Variants in SCNN1B observed in about 807,000 individuals in gnomAD.
The protein encoded by SCNN1B is epithelial sodium channel subunit beta.
In SCNN1B, 46 loss-of-function variants were observed where a neutral mutation model predicts 65.3. That is an observed-to-expected ratio of 0.70 (90% CI 0.56 to 0.90). The LOEUF (loss-of-function observed/expected upper bound fraction) is 0.90, where lower values mean the gene tolerates loss of function less well. SCNN1B is among the 40% of genes least tolerant of loss of function. The probability of loss-of-function intolerance (pLI) is 0.00; values close to 1 mark genes in which losing one functional copy is unlikely to be tolerated. For missense variants in SCNN1B, 751 were observed against 830.5 expected (o/e 0.90, Z 1.18); for synonymous variants, 349 against 330.6 (o/e 1.06, Z -0.60).
In SCNN1B at chr16:23,279,169, C is replaced by T. The variant is rs560050619; in HGVS notation, n.110+829C>T. On this transcript the variant is annotated intron_variant and non_coding_transcript_variant, in intron 1 of 3. Transcript: ENST00000569789. ...TTGGCTCACTGCAACCTCTGCCTCC[C>T]GGGTTCAAGCAATTCTCCTGCCTCA... is the stretch of plus-strand genomic sequence containing the variant. Among the ~76,000 whole-genome samples, 31 of 151,968 alleles carry T rather than the reference C, an allele frequency of 2.0e-4. No homozygotes were observed. The East Asian group carries it at 4.9e-3, about 24-fold the overall frequency.
At chr16:23,336,399 G>T (rs1390836688) in intron 1 of SCNN1B, among the ~76,000 whole-genome samples, 5 of 148,370 alleles carry the variant, frequency 3.4e-5, no homozygotes, top group Non-Finnish European at 7.4e-5. Context: ...TTGAGACGGA[G>T]TCTCGCTCTG....
rs34622290 is a variant in SCNN1B, at chr16:23,371,588, G to C, written c.1044+126G>C. ...CCCAGCCCTGGCCTTCCTTCCTTTT[G>C]GCTGGAATCCCCCCAGGGTGGCCCA... is the stretch of plus-strand genomic sequence containing the variant. On this transcript the variant is annotated intron_variant, in intron 6 of 12. Coordinates refer to ENST00000343070, the MANE Select transcript of SCNN1B (RefSeq NM_000336.3). 0.057 allele frequency: 64,450 copies of C among 1,139,252 alleles called. 2,107 individuals are homozygous for C. The highest frequency in any genetic ancestry group is 0.084 in the South Asian group (6,070 of 71,966). The allele number at this position is 1,139,252 out of a possible 1,614,324, so 70.6% of individuals were successfully genotyped here.
chr16:23,301,514 G>T (rs766110705), upstream of SCNN1B, among the ~76,000 whole-genome samples: 6 of 152,116 alleles, frequency 3.9e-5, no homozygotes, highest in Admixed American at 1.3e-4. Context: ...ACTGCATTAA[G>T]ACAATCTATG....
intron 8 of SCNN1B, 36 bp downstream of exon 8, chr16:23,375,891 T>A: frequency 7.3e-7 from 1 of 1,371,398 alleles, no homozygotes; most frequent in Non-Finnish European, 1.0e-6. Context: ...ACTCCAGCCA[T>A]CTGGGGCCAC....
chr16:23,350,853 C>T (rs1445391960), intron 2 of SCNN1B, among the ~76,000 whole-genome samples: 2 of 152,004 alleles, frequency 1.3e-5, no homozygotes, highest in Non-Finnish European at 2.9e-5. Context: ...GTGGAGGTTG[C>T]AGTGAGCCGA....
At chr16:23,294,727 T>A (rs1013033888) in intron 2 of SCNN1B, among the ~76,000 whole-genome samples, 1 of 152,118 alleles carries the variant, frequency 6.6e-6, no homozygotes, top group Non-Finnish European at 1.5e-5. Flanking sequence ...GCACGGTGGC[T>A]CATGCCTGTT....
intron 4 of SCNN1B, among the ~76,000 whole-genome samples, chr16:23,366,948 C>T (rs1429136684): frequency 6.6e-6 from 1 of 152,206 alleles, no homozygotes; most frequent in Non-Finnish European, 1.5e-5. Flanking sequence ...TGAACTCCAG[C>T]ACACCAGTCA....
At chr16:23,361,322 C>T (rs888852270) in intron 4 of SCNN1B, among the ~76,000 whole-genome samples, 1 of 152,182 alleles carries the variant, frequency 6.6e-6, no homozygotes, top group Non-Finnish European at 1.5e-5. Flanking sequence ...CCTCAGCCTC[C>T]AAAAGTACTA....
At chr16:23,303,241 G>A (rs549607590) in intron 1 of SCNN1B, among the ~76,000 whole-genome samples, 1 of 152,252 alleles carries the variant, frequency 6.6e-6, no homozygotes, top group South Asian at 2.1e-4. Context: ...GGAGGAAGCA[G>A]CAGAGACCTC....
Position 23,380,061 on chromosome 16 carries a change from A to T in SCNN1B, c.1467-33A>T. 1 of 1,546,488 alleles carries T rather than the reference A, an allele frequency of 6.5e-7. No homozygotes were observed. Among genetic ancestry groups the T allele is most frequent in the Non-Finnish European group, 8.9e-7 (1 of 1,118,548 alleles). On this transcript the variant is annotated intron_variant, in intron 11 of 12. Transcript: ENST00000343070. The surrounding 1 kb of genome is among the most constrained non-coding windows in gnomAD (Gnocchi z 5.4). ...GTCTGTCTGTTTGGAAGGGGGATAC[A>T]TTAGTCCCGGCCCTTCTCGCTGCCT...
At chr16:23,375,978 T>G (rs1431491399) in intron 8 of SCNN1B, 123 bp downstream of exon 8, 3 of 713,608 alleles carry the variant, frequency 4.2e-6, no homozygotes, top group African/African-American at 1.7e-5. Context: ...GGGTGGCTCC[T>G]CCACAGTCTG....
At chr16:23,365,877 G>A (rs1322355173) in intron 4 of SCNN1B, among the ~76,000 whole-genome samples, 1 of 152,226 alleles carries the variant, frequency 6.6e-6, no homozygotes, top group African/African-American at 2.4e-5. Context: ...GCTTGGGTCG[G>A]CCCCCATATC....
chr16:23,344,930 G>A (rs1243906659), intron 1 of SCNN1B, among the ~76,000 whole-genome samples: 1 of 152,124 alleles, frequency 6.6e-6, no homozygotes, highest in Non-Finnish European at 1.5e-5. Flanking sequence ...GGAGGTGGAG[G>A]TTGCAGTGAG....
At chr16:23,293,843 G>A (rs921100963) in intron 2 of SCNN1B, among the ~76,000 whole-genome samples, 1 of 152,074 alleles carries the variant, frequency 6.6e-6, no homozygotes, top group African/African-American at 2.4e-5. Context: ...AGGATCTCTT[G>A]AGCCTAGGAG....
intron 1 of SCNN1B, among the ~76,000 whole-genome samples, chr16:23,345,915 T>C (rs184831442): frequency 6.6e-6 from 1 of 152,172 alleles, no homozygotes; most frequent in East Asian, 1.9e-4. Context: ...AAAGATCAAA[T>C]ACAACTGGAG....
At chr16:23,374,994 T>C (rs1962863696) in intron 7 of SCNN1B, among the ~76,000 whole-genome samples, 1 of 152,148 alleles carries the variant, frequency 6.6e-6, no homozygotes, top group Admixed American at 6.5e-5. Flanking sequence ...CTCAGCACCC[T>C]GTTTCACCTA....
At chr16:23,287,113 T>A (rs2141968790) in intron 2 of SCNN1B, among the ~76,000 whole-genome samples, 1 of 151,658 alleles carries the variant, frequency 6.6e-6, no homozygotes, top group Non-Finnish European at 1.5e-5. Context: ...CAAGTGGTTC[T>A]CTTGCCTCAG....
At chr16:23,319,811 A>T (rs997788185) in intron 1 of SCNN1B, among the ~76,000 whole-genome samples, 1 of 151,916 alleles carries the variant, frequency 6.6e-6, no homozygotes, top group Non-Finnish European at 1.5e-5. Context: ...TCTGTCGCCC[A>T]GGCTGGAGTG....
chr16:23,333,979 C>T (rs1479342804), intron 1 of SCNN1B, among the ~76,000 whole-genome samples: 1 of 152,144 alleles, frequency 6.6e-6, no homozygotes, highest in Non-Finnish European at 1.5e-5. Flanking sequence ...TAGTCACATC[C>T]AGGTCCTTAA....
Sources: gnomAD v4.1 joint callset for allele counts (sites outside exome capture counted in the v4.1 genomes callset) on GRCh38, gnomAD v4.1.1 for gene constraint, Gnocchi (gnomAD v3.1) non-coding constraint, MANE v1.5 for transcripts, NCBI Gene and HGNC (gene_info 2026-07-23, HGNC 2026-07-21) for gene names.